MCF2L2: variants seen among roughly 807,000 people sequenced by gnomAD.
MCF2L2 encodes the protein MCF.2 cell line derived transforming sequence-like 2.
Under a neutral mutation model 150.2 loss-of-function variants are expected in MCF2L2, and 102 were observed. The ratio of observed to expected loss-of-function variants is 0.68; its 90% CI spans 0.58 to 0.80. The LOEUF is 0.80. Among genes scored for constraint, MCF2L2 ranks in the 30% least tolerant of loss-of-function variants. The pLI, the probability that MCF2L2 is intolerant of heterozygous loss-of-function variation, is 0.00. For synonymous variants in MCF2L2, 465 were observed against 491.3 expected (o/e 0.95, Z 0.71); for missense variants, 1,256 against 1,372.8 (o/e 0.91, Z 1.34).
At chr3:183,288,452 T>C (rs887157719) in intron 14 of MCF2L2, among the ~76,000 whole-genome samples, 7 of 151,882 alleles carry the variant, frequency 4.6e-5, no homozygotes, top group Non-Finnish European at 7.4e-5. Flanking sequence ...TGCATGTGTG[T>C]GTGCAGCTCT....
intron 1 of MCF2L2, among the ~76,000 whole-genome samples, chr3:183,420,443 C>G (rs1715818489): frequency 6.6e-6 from 1 of 152,088 alleles, no homozygotes; most frequent in Non-Finnish European, 1.5e-5. Flanking sequence ...CTATAAAATA[C>G]AAAAATTAGC....
At chr3:183,411,581 G>C (rs2108622539) in intron 1 of MCF2L2, among the ~76,000 whole-genome samples, 1 of 150,980 alleles carries the variant, frequency 6.6e-6, no homozygotes, top group Non-Finnish European at 1.5e-5. Flanking sequence ...TATTAATTAA[G>C]TGTAATTTCT....
intron 15 of MCF2L2, among the ~76,000 whole-genome samples, chr3:183,259,336 G>A (rs114169124): frequency 1.1e-3 from 164 of 152,218 alleles, no homozygotes; most frequent in African/African-American, 3.6e-3. Context: ...AGTAGTGGCT[G>A]TTTGTAGCAT....
chr3:183,181,694 A>T lies in MCF2L2; in HGVS notation c.3017-1535T>A, dbSNP rs754851426. Among the ~76,000 whole-genome samples, 8 of 152,078 alleles carry T rather than the reference A, an allele frequency of 5.3e-5. No homozygotes were observed. Among genetic ancestry groups the T allele is most frequent in the African/African-American group, 7.3e-5 (3 of 41,376 alleles). On this transcript the variant is annotated intron_variant, in intron 27 of 29. Coordinates refer to ENST00000328913, the MANE Select transcript of MCF2L2 (RefSeq NM_015078.4). The surrounding 1 kb of genome is among the most constrained non-coding windows in gnomAD (Gnocchi z 4.3). ...GACAGAGGGAGCCATGCCCTTGACC[A>T]TCCCCTGCATGAATAGGAAGGGCTG...
chr3:183,202,851 GA>G (rs1224251610), intron 25 of MCF2L2, among the ~76,000 whole-genome samples: 2 of 152,164 alleles, frequency 1.3e-5, no homozygotes, highest in Non-Finnish European at 2.9e-5. Context: ...AGAAAATAAT[GA>G]GACATGTAAA....
intron 15 of MCF2L2, among the ~76,000 whole-genome samples, chr3:183,259,537 T>C (rs1045351432): frequency 6.6e-6 from 1 of 152,192 alleles, no homozygotes; most frequent in African/African-American, 2.4e-5. Context: ...TTCCCTGCCT[T>C]TACACATGAA....
chr3:183,280,386 C>T (rs574911197), intron 14 of MCF2L2, among the ~76,000 whole-genome samples: 11 of 151,952 alleles, frequency 7.2e-5, no homozygotes, highest in African/African-American at 2.2e-4. Context: ...TGAAAAGTCC[C>T]AATAGCTGAT....
At chr3:183,351,963 G>A (rs1443637893) in intron 3 of MCF2L2, among the ~76,000 whole-genome samples, 1 of 152,098 alleles carries the variant, frequency 6.6e-6, no homozygotes, top group Non-Finnish European at 1.5e-5. Flanking sequence ...AGTCGCTAGG[G>A]ACCATGGATA....
Position 183,351,223 on chromosome 3 carries a change from TATATATATATA to T in MCF2L2, c.276-9604_276-9594del, listed in dbSNP as rs1560034976. ...ATATATATATATATATATATATATATATATATATATATATTTATTTATTTATTTATCAGAAC... is the reference window on the plus strand; with the variant it reads ...ATATATATATATATATATATATATATTATTTATTTATTTATTTATCAGAAC... On this transcript the variant is annotated intron_variant, in intron 3 of 29. Transcript: ENST00000328913. Among the ~76,000 whole-genome samples, 471 of 94,084 alleles carry T rather than the reference TATATATATATA, an allele frequency of 5.0e-3. 7 individuals carry two copies. The highest frequency in any genetic ancestry group is 0.014 in the Admixed American group (134 of 9,616). 61.7% of individuals were successfully genotyped at this position (94,084 alleles called of 152,430 possible).
At position 183,390,531 on chromosome 3, in the gene MCF2L2, C is replaced by G. The variant is rs538803374; in HGVS notation, c.77-752G>C. 3.3e-5 allele frequency among the ~76,000 whole-genome samples: 5 copies of G among 152,244 alleles called. No individual in the cohort carries two copies. In the South Asian group the frequency reaches 1.0e-3, roughly 32 times the overall value. On this transcript the variant is annotated intron_variant, in intron 1 of 29. Transcript: ENST00000328913. ...AAAAGGAATTAGAGAGAGGGGAGGA[C>G]CAACTGGAATCTTTCAACCTAGGCT... is the stretch of plus-strand genomic sequence containing the variant.
At chr3:183,288,523 C>T (rs1440044474) in intron 14 of MCF2L2, among the ~76,000 whole-genome samples, 1 of 150,832 alleles carries the variant, frequency 6.6e-6, no homozygotes, top group African/African-American at 2.4e-5. Flanking sequence ...GCTCTGTTGC[C>T]CAGGCTGGAG....
intron 2 of MCF2L2, among the ~76,000 whole-genome samples, chr3:183,382,342 G>C (rs1260946813): frequency 6.6e-6 from 1 of 152,130 alleles, no homozygotes; most frequent in Non-Finnish European, 1.5e-5. Context: ...TACAGGCGTT[G>C]AGCCACCACA....
At chr3:183,360,993 GA>G (rs1301550525) in intron 3 of MCF2L2, among the ~76,000 whole-genome samples, 25 of 118,110 alleles carry the variant, frequency 2.1e-4, no homozygotes, top group African/African-American at 1.0e-3. Context: ...GAAAAGAAAA[GA>G]AAAGAAAAGA....
intron 6 of MCF2L2, among the ~76,000 whole-genome samples, 164 bp downstream of exon 6, chr3:183,323,071 C>T (rs1349969268): frequency 6.6e-6 from 1 of 152,164 alleles, no homozygotes; most frequent in East Asian, 1.9e-4. Context: ...CCAGCCTTCG[C>T]CCTTCCACAC....
intron 1 of MCF2L2, among the ~76,000 whole-genome samples, chr3:183,397,937 T>C (rs1714551431): frequency 6.6e-6 from 1 of 152,220 alleles, no homozygotes; most frequent in Non-Finnish European, 1.5e-5. Context: ...TAAAATCAGA[T>C]ACATCTATGC....
intron 15 of MCF2L2, among the ~76,000 whole-genome samples, chr3:183,232,602 GCAGCCT>G (rs985815089): frequency 6.6e-6 from 1 of 151,948 alleles, no homozygotes; most frequent in Admixed American, 6.6e-5. Context: ...CTATTAAATG[GCAGCCT>G]CTCCTAGAAA....
chr3:183,298,109 C>T (rs1577039937), intron 11 of MCF2L2: 1 of 152,296 alleles, frequency 6.6e-6, no homozygotes, highest in Non-Finnish European at 1.5e-5. Flanking sequence ...CTTTGTAACT[C>T]AGCACAGCGA....
chr3:183,356,362 A>C (rs1458318611), intron 3 of MCF2L2, among the ~76,000 whole-genome samples: 7 of 151,964 alleles, frequency 4.6e-5, no homozygotes, highest in Non-Finnish European at 1.0e-4. Flanking sequence ...AAAATATAAA[A>C]ATTAGTTGGG....
chr3:183,269,220 G>A (rs1726461649), intron 15 of MCF2L2, among the ~76,000 whole-genome samples: 2 of 84,346 alleles, frequency 2.4e-5, no homozygotes, highest in South Asian at 8.7e-4. Context: ...GATTATAGCC[G>A]TTTGGGAAGC....
Sources: gnomAD v4.1 joint callset for allele counts (sites outside exome capture counted in the v4.1 genomes callset) on GRCh38, gnomAD v4.1.1 for gene constraint, Gnocchi (gnomAD v3.1) non-coding constraint, MANE v1.5 for transcripts, NCBI Gene and HGNC (gene_info 2026-07-23, HGNC 2026-07-21) for gene names.